ATP2A3: variants seen among roughly 807,000 people sequenced by gnomAD.
The protein encoded by ATP2A3 is sarcoplasmic/endoplasmic reticulum calcium ATPase 3.
In ATP2A3, 61 loss-of-function variants were observed where a neutral mutation model predicts 106.8. That is an observed-to-expected ratio of 0.57 (90% CI 0.46 to 0.71). The LOEUF (loss-of-function observed/expected upper bound fraction) is 0.71. Among genes scored for constraint, ATP2A3 ranks in the 30% least tolerant of loss-of-function variants. The pLI is 0.00. For missense variants in ATP2A3, 1,201 were observed against 1,423.5 expected (o/e 0.84, Z 2.52); for synonymous variants, 611 against 609.3 (o/e 1.00, Z -0.04).
chr17:3,955,617 G>A lies in ATP2A3; in HGVS notation c.119-1907C>T, dbSNP rs563886706. ...CTCCAATGGAGCAGTGTGCTTTCGA[G>A]GTCACCCCAGCCATGCCCCAGCCTC... On this transcript the variant is annotated intron_variant, in intron 1 of 20. Coordinates refer to ENST00000397041, the MANE Select transcript of ATP2A3 (RefSeq NM_005173.4). This position sits in a 1 kb window ranked among gnomAD's most constrained non-coding sequence, Gnocchi z 4.2. Among the ~76,000 whole-genome samples, 3 of 152,302 alleles carry A rather than the reference G, an allele frequency of 2.0e-5. No homozygotes were observed. In the South Asian group the frequency reaches 6.2e-4, roughly 32 times the overall value.
chr17:3,947,135 CTG>C lies in ATP2A3; in HGVS notation c.1095+254_1095+255del, dbSNP rs1863341370. Among the ~76,000 whole-genome samples the C allele has an allele frequency of 1.3e-5, 2 of 152,232 alleles. No homozygotes were observed. Among genetic ancestry groups the C allele is most frequent in the Admixed American group, 1.3e-4 (2 of 15,288 alleles). On this transcript the variant is annotated intron_variant, in intron 8 of 20. Transcript: ENST00000397041. This position sits in a 1 kb window ranked among gnomAD's most constrained non-coding sequence, Gnocchi z 7.7. Reference sequence around the variant, plus strand: ...CACAGCCAGGCTTCCAATGAGGAGACTGAGGTTAACAGACTGTCAGCAACCTG... The same window carrying C: ...CACAGCCAGGCTTCCAATGAGGAGACAGGTTAACAGACTGTCAGCAACCTG...
rs1019933954 is a variant in ATP2A3, at chr17:3,941,615, G to A, written c.1585C>T (p.Arg529Cys). The A allele has an allele frequency of 5.0e-6, 8 of 1,611,126 alleles. No homozygotes were observed. Among genetic ancestry groups the A allele is most frequent in the Non-Finnish European group, 6.8e-6 (8 of 1,180,016 alleles). The change falls in exon 13 of 21, where the codon CGC (arginine) becomes TGC (cysteine). Residue 529 changes from arginine to cysteine, a missense_variant. Arg to Cys is a radical substitution (Grantham distance 180, BLOSUM62 -3). Coordinates refer to ENST00000397041, the MANE Select transcript of ATP2A3 (RefSeq NM_005173.4). ...AGGGGTGCTGTGCGGCTCCCCACGC[G>A]GACTGAGCTACAGCGCTCGATCACA... Reference protein sequence around the residue: ...ESVIERCSSVRVGSRTAPLTP... With the variant: ...ESVIERCSSVCVGSRTAPLTP...
chr17:3,942,748 G>T lies in ATP2A3; in HGVS notation c.1420-17C>A. 6.2e-7 allele frequency: 1 copy of T among 1,611,428 alleles called. No homozygotes were observed. ...CTTGATGACCTGCGGGGTCCAGGCAGGTCAGGGCATGAAGGACAGAGCCAG... is the reference window on the plus strand; with the variant it reads ...CTTGATGACCTGCGGGGTCCAGGCATGTCAGGGCATGAAGGACAGAGCCAG... On this transcript the variant is annotated splice_polypyrimidine_tract_variant and intron_variant, in intron 11 of 20. Transcript: ENST00000397041.
chr17:3,958,811 T>TAAATATACACAC (rs2054953483), intron 1 of ATP2A3, among the ~76,000 whole-genome samples: 1 of 127,598 alleles, frequency 7.8e-6, no homozygotes, highest in Non-Finnish European at 1.6e-5. Flanking sequence ...TACACACATA[T>TAAATATACACAC]ATATATACAC....
rs62071733 is a variant in ATP2A3 at position 3,939,552 on chromosome 17, G to C, written c.2100+1419C>G. On this transcript the variant is annotated intron_variant, in intron 14 of 20. Transcript: ENST00000397041. ...ACTTGTAATCCCAGCACTTTGGGAG[G>C]CTGAGGCGGGCGGATCACAAGGTCA... Among the ~76,000 whole-genome samples the C allele has an allele frequency of 7.3e-3, 1,107 of 152,094 alleles. 5 individuals are homozygous for C. The highest frequency in any genetic ancestry group is 0.013 in the Non-Finnish European group (868 of 67,978).
chr17:3,929,555 C>T lies in ATP2A3; in HGVS notation c.2745-110G>A, dbSNP rs1336029688. ...CTTCTCTAGCGGTGCATTGCTGTTG[C>T]CCGCTCGGCCTGCCAGGGCCTGTCC... On this transcript the variant is annotated intron_variant, in intron 18 of 20. Transcript: ENST00000397041. This position sits in a 1 kb window ranked among gnomAD's most constrained non-coding sequence, Gnocchi z 4.3. 5 of 927,086 alleles carry T rather than the reference C, an allele frequency of 5.4e-6. No homozygotes were observed. The highest frequency in any genetic ancestry group is 8.3e-6 in the Non-Finnish European group (5 of 605,802). The allele number at this position is 927,086 out of a possible 1,614,324, so 57.4% of individuals were successfully genotyped here. A position where few individuals can be genotyped will look rare whatever the true frequency, so the allele number is the denominator to read the frequency against.
At position 3,924,721 on chromosome 17, in the gene ATP2A3, T is replaced by C. The variant is rs986639437; in HGVS notation, c.*701A>G. The C allele has an allele frequency of 8.8e-6, 4 of 456,066 alleles. No homozygotes were observed. Among genetic ancestry groups the C allele is most frequent in the Non-Finnish European group, 1.8e-5 (4 of 226,786 alleles). 28.3% of individuals were successfully genotyped at this position (456,066 alleles called of 1,614,324 possible). ...AGTCCAGCCAGGCTTTCCCGACTTGTCTCCCGGGAAAGGACATCCTCGCTC... is the reference window on the plus strand; with the variant it reads ...AGTCCAGCCAGGCTTTCCCGACTTGCCTCCCGGGAAAGGACATCCTCGCTC... On this transcript the variant is annotated 3_prime_UTR_variant, in exon 21 of 21. Coordinates refer to ENST00000397041, the MANE Select transcript of ATP2A3 (RefSeq NM_005173.4). The surrounding 1 kb of genome is among the most constrained non-coding windows in gnomAD (Gnocchi z 6.4).
chr17:3,944,904 C>T (rs2054012164), intron 9 of ATP2A3, 98 bp from the exon 10 acceptor site: 2 of 1,355,414 alleles, frequency 1.5e-6, no homozygotes, highest in South Asian at 1.4e-5. Flanking sequence ...CGCCTCTTGG[C>T]CCCGCCCCCA....
chr17:3,948,497 C>T (rs1051286931), intron 7 of ATP2A3, among the ~76,000 whole-genome samples: 10 of 152,200 alleles, frequency 6.6e-5, no homozygotes, highest in Non-Finnish European at 1.3e-4. Flanking sequence ...TCTTAAGCAA[C>T]GTAGCTCCAG....
intron 1 of ATP2A3, among the ~76,000 whole-genome samples, chr17:3,963,474 C>T (rs1222971988): frequency 2.6e-5 from 4 of 152,248 alleles, no homozygotes; most frequent in African/African-American, 7.2e-5. Context: ...TCCCACACTC[C>T]TTTGAAGGAG....
chr17:3,929,588 G>T lies in ATP2A3; in HGVS notation c.2745-143C>A. On this transcript the variant is annotated intron_variant, in intron 18 of 20. Coordinates refer to ENST00000397041, the MANE Select transcript of ATP2A3 (RefSeq NM_005173.4). This position sits in a 1 kb window ranked among gnomAD's most constrained non-coding sequence, Gnocchi z 4.3. ...GCCTGCCAGGGCCTGTCCCGGGCTG[G>T]GACCCCTTTCTCTGCCCCTCAGACC... The T allele has an allele frequency of 1.4e-6, 1 of 708,980 alleles. No individual in the cohort carries two copies. The highest frequency in any genetic ancestry group is 2.3e-6 in the Non-Finnish European group (1 of 426,188). 43.9% of individuals were successfully genotyped at this position (708,980 alleles called of 1,614,324 possible).
intron 14 of ATP2A3, among the ~76,000 whole-genome samples, chr17:3,940,282 C>A (rs928497509): frequency 2.0e-5 from 3 of 152,108 alleles, no homozygotes; most frequent in African/African-American, 7.2e-5. Context: ...AAAGGAAAAA[C>A]AGAACCACAA....
intron 20 of ATP2A3, chr17:3,927,878 C>A: frequency 6.3e-7 from 1 of 1,577,114 alleles, no homozygotes. Context: ...CCAGCTGCCC[C>A]AGTGCAGGCC....
intron 14 of ATP2A3, among the ~76,000 whole-genome samples, chr17:3,938,515 G>T (rs1228369260): frequency 6.6e-6 from 1 of 152,014 alleles, no homozygotes; most frequent in Non-Finnish European, 1.5e-5. Flanking sequence ...TCAACGTTGA[G>T]AATAAGGTCT....
At chr17:3,960,743 G>A (rs1473284314) in intron 1 of ATP2A3, among the ~76,000 whole-genome samples, 3 of 152,190 alleles carry the variant, frequency 2.0e-5, no homozygotes, top group East Asian at 1.9e-4. Context: ...CTGTGCTGGC[G>A]AGGCAGCAGA....
At chr17:3,927,965 A>G (rs778237059) in intron 20 of ATP2A3, 4 of 1,613,634 alleles carry the variant, frequency 2.5e-6, no homozygotes, top group Admixed American at 1.7e-5. Flanking sequence ...GCAAATTCCC[A>G]GGAACCGGAG....
Position 3,928,595 on chromosome 17 carries a change from C to A in ATP2A3, c.2980+68G>T. ...GCTCTGCGCTCCACACCCACAGCGT[C>A]CACTGCAGCCCAGGAGCAGAGGCGG... On this transcript the variant is annotated intron_variant, in intron 20 of 20. Transcript: ENST00000397041. This position sits in a 1 kb window ranked among gnomAD's most constrained non-coding sequence, Gnocchi z 6.1. 7.4e-7 allele frequency: 1 copy of A among 1,354,638 alleles called. No homozygotes were observed. Among genetic ancestry groups the A allele is most frequent in the South Asian group, 1.3e-5 (1 of 79,804 alleles). The allele number at this position is 1,354,638 out of a possible 1,614,324, so 83.9% of individuals were successfully genotyped here.
rs774159536 is a variant in ATP2A3 at position 3,947,478 on chromosome 17, C to T, written c.1008G>A (p.Leu336=). Residue 336 remains leucine (L), a synonymous_variant, in exon 8 of 21, where the codon CTG becomes CTA. Coordinates refer to ENST00000397041, the MANE Select transcript of ATP2A3 (RefSeq NM_005173.4). This position sits in a 1 kb window ranked among gnomAD's most constrained non-coding sequence, Gnocchi z 7.7. ...MARKNAIVRS[L]PSVETLGCTS... ...TGCAGCCCAGGGTCTCCACGGACGG[C>T]AGGCTTCGCACGATGGCGTTCTTGC... The T allele has an allele frequency of 3.1e-6, 5 of 1,613,634 alleles. No homozygotes were observed. In the East Asian group the frequency reaches 6.7e-5, roughly 22 times the overall value.
Position 3,929,966 on chromosome 17 carries a change from C to T in ATP2A3, c.2744+335G>A, listed in dbSNP as rs1031279267. On this transcript the variant is annotated intron_variant, in intron 18 of 20. Transcript: ENST00000397041. This position sits in a 1 kb window ranked among gnomAD's most constrained non-coding sequence, Gnocchi z 4.3. ...GAACCCCTTGACCCCAGACCCCAATCCTGGACCTCTCTTGACCCCTAGACC... is the reference window on the plus strand; with the variant it reads ...GAACCCCTTGACCCCAGACCCCAATTCTGGACCTCTCTTGACCCCTAGACC... Among the ~76,000 whole-genome samples, 1 of 149,170 alleles carries T rather than the reference C, an allele frequency of 6.7e-6. No homozygotes were observed. The highest frequency in any genetic ancestry group is 2.5e-5 in the African/African-American group (1 of 40,264).
Sources: gnomAD v4.1 joint callset for allele counts (sites outside exome capture counted in the v4.1 genomes callset) on GRCh38, gnomAD v4.1.1 for gene constraint, Gnocchi (gnomAD v3.1) non-coding constraint, MANE v1.5 for transcripts, NCBI Gene and HGNC (gene_info 2026-07-23, HGNC 2026-07-21) for gene names.